Variants in DLC1 observed in about 807,000 individuals in gnomAD.
DLC1 encodes DLC1 Rho GTPase activating protein.
Under a neutral mutation model 140.3 loss-of-function variants are expected in DLC1, and 54 were observed. The ratio of observed to expected loss-of-function variants is 0.38; its 90% CI spans 0.31 to 0.48. DLC1 has a LOEUF of 0.48. Among genes scored for constraint, DLC1 ranks in the 20% least tolerant of loss-of-function variants. The pLI is 0.96. For synonymous variants in DLC1, 986 were observed against 728.1 expected (o/e 1.35, Z -5.70); for missense variants, 2,536 against 1,907.0 (o/e 1.33, Z -6.14).
At chr8:13,247,219 A>G (rs950732540) in intron 5 of DLC1, among the ~76,000 whole-genome samples, 1 of 152,228 alleles carries the variant, frequency 6.6e-6, no homozygotes, top group African/African-American at 2.4e-5. Flanking sequence ...CAGTTGTTCC[A>G]TTAGCAGTGA....
intron 5 of DLC1, among the ~76,000 whole-genome samples, chr8:13,246,348 A>G (rs1050675952): frequency 6.6e-6 from 1 of 152,242 alleles, no homozygotes; most frequent in African/African-American, 2.4e-5. Context: ...AACTGTTCAG[A>G]TGAGATTGAT....
intron 5 of DLC1, among the ~76,000 whole-genome samples, chr8:13,260,053 C>G (rs975101946): frequency 5.9e-5 from 9 of 152,036 alleles, no homozygotes; most frequent in Admixed American, 2.0e-4. Flanking sequence ...AGAAAACACA[C>G]AAACAGCAGA....
chr8:13,162,687 C>T (rs1824800112), intron 5 of DLC1, among the ~76,000 whole-genome samples: 1 of 152,108 alleles, frequency 6.6e-6, no homozygotes, highest in African/African-American at 2.4e-5. Context: ...CGAATGTAAT[C>T]CCAGCACTTT....
chr8:13,430,095 A>G (rs914280749), intron 2 of DLC1, among the ~76,000 whole-genome samples: 1 of 152,210 alleles, frequency 6.6e-6, no homozygotes, highest in Admixed American at 6.5e-5. Flanking sequence ...GGAATGGTAT[A>G]TAGGCATCAG....
intron 4 of DLC1, among the ~76,000 whole-genome samples, chr8:13,370,504 C>T (rs1835680924): frequency 6.6e-6 from 1 of 151,900 alleles, no homozygotes; most frequent in South Asian, 2.1e-4. Flanking sequence ...CTTGGAGCTC[C>T]ACACAGAGAT....
At chr8:13,214,661 G>A in intron 5 of DLC1, 1 of 778,694 alleles carries the variant, frequency 1.3e-6, no homozygotes, top group Non-Finnish European at 2.4e-6. Flanking sequence ...ACATGGAAAA[G>A]CCTCTTCTGG....
intron 2 of DLC1, among the ~76,000 whole-genome samples, chr8:13,476,825 A>G (rs1800455242): frequency 6.6e-6 from 1 of 152,242 alleles, no homozygotes; most frequent in Non-Finnish European, 1.5e-5. Flanking sequence ...ATATTTATGC[A>G]AATTATCATA....
chr8:13,105,829 C>T (rs1281610993), intron 7 of DLC1, among the ~76,000 whole-genome samples: 1 of 152,108 alleles, frequency 6.6e-6, no homozygotes, highest in Non-Finnish European at 1.5e-5. Flanking sequence ...CCGCTCATCT[C>T]GGCCTCCCAA....
chr8:13,446,479 C>A (rs377339818), intron 2 of DLC1, among the ~76,000 whole-genome samples: 1 of 151,708 alleles, frequency 6.6e-6, no homozygotes, highest in African/African-American at 2.4e-5. Flanking sequence ...TTAGTCATGA[C>A]TAAGTTTTAA....
chr8:13,524,265 G>A (rs935462972), intron 1 of DLC1, among the ~76,000 whole-genome samples: 1 of 151,706 alleles, frequency 6.6e-6, no homozygotes, highest in African/African-American at 2.4e-5. Flanking sequence ...AGCCTCCTGA[G>A]TAGCTGGGAT....
At position 13,284,490 on chromosome 8, in the gene DLC1, G is replaced by A. The variant is rs1831473520; in HGVS notation, c.1348+20779C>T. ...TGCAGTGCGCTGAGATCGCGCCATT[G>A]CACTCCAGCCTGGGTGACAGAGCAA... On this transcript the variant is annotated intron_variant, in intron 5 of 17. Transcript: ENST00000276297. 2.0e-5 allele frequency among the ~76,000 whole-genome samples: 3 copies of A among 152,060 alleles called. No individual in the cohort carries two copies. The South Asian group carries it at 6.2e-4, about 32-fold the overall frequency.
intron 1 of DLC1, among the ~76,000 whole-genome samples, chr8:13,551,558 G>A: frequency 6.6e-6 from 1 of 151,922 alleles, no homozygotes; most frequent in South Asian, 2.1e-4. Context: ...TTACTAAGGT[G>A]CATTGCTCTC....
chr8:13,572,917 C>G (rs78540772), intron 1 of DLC1, among the ~76,000 whole-genome samples: 17,447 of 152,166 alleles, frequency 0.11, 1,092 homozygotes, highest in African/African-American at 0.13. Flanking sequence ...AACATGGAAT[C>G]TCTATCCTTT....
intron 5 of DLC1, among the ~76,000 whole-genome samples, chr8:13,270,266 T>C (rs1245603661): frequency 1.3e-5 from 2 of 152,204 alleles, no homozygotes; most frequent in Non-Finnish European, 2.9e-5. Context: ...CTAGGTATTG[T>C]AATTACAGTG....
intron 8 of DLC1, among the ~76,000 whole-genome samples, chr8:13,101,979 G>A (rs1480862830): frequency 3.9e-5 from 6 of 152,174 alleles, no homozygotes; most frequent in Non-Finnish European, 7.3e-5. Context: ...TGGCAAGCAT[G>A]GAGCGCTGGC....
At chr8:13,560,776 A>G (rs940342864) in intron 1 of DLC1, among the ~76,000 whole-genome samples, 1 of 151,086 alleles carries the variant, frequency 6.6e-6, no homozygotes, top group African/African-American at 2.4e-5. Context: ...GTGGGGGGGG[A>G]GGGAAAAAGG....
chr8:13,393,489 A>G, intron 4 of DLC1, 64 bp downstream of exon 4: 1 of 1,502,500 alleles, frequency 6.7e-7, no homozygotes, highest in Middle Eastern at 1.9e-4. Context: ...AATGAATATC[A>G]ACTCTTACCT....
At chr8:13,297,287 A>AAAAAAAAAAAAAAAAAAAAAAACAAAAC (rs1160453360) in intron 5 of DLC1, among the ~76,000 whole-genome samples, 1 of 139,822 alleles carries the variant, frequency 7.2e-6, no homozygotes, top group African/African-American at 2.7e-5. Context: ...TACATTAAAA[A>AAAAAAAAAAAAAAAAAAAAAAACAAAAC]AAAAAAAAAC....
chr8:13,397,163 G>A (rs149179934), intron 3 of DLC1, among the ~76,000 whole-genome samples: 66 of 152,158 alleles, frequency 4.3e-4, no homozygotes, highest in African/African-American at 1.5e-3. Flanking sequence ...GTGATCCATT[G>A]GTTGTTCTGA....
Sources: gnomAD v4.1 joint callset for allele counts (sites outside exome capture counted in the v4.1 genomes callset) on GRCh38, gnomAD v4.1.1 for gene constraint, MANE v1.5 for transcripts, NCBI Gene and HGNC (gene_info 2026-07-23, HGNC 2026-07-21) for gene names.